Variants in ANKRD50 observed in about 807,000 individuals in gnomAD.
ANKRD50 encodes ankyrin repeat domain-containing protein 50.
A neutral mutation model predicts 112.0 loss-of-function variants in ANKRD50; 40 were observed. The observed-to-expected ratio is 0.36, with a 90% CI of 0.28 to 0.46. The LOEUF (loss-of-function observed/expected upper bound fraction) is 0.46, where lower values mean the gene tolerates loss of function less well. Among genes scored for constraint, ANKRD50 ranks in the 20% least tolerant of loss-of-function variants. The pLI is 1.00. For missense variants in ANKRD50, 1,487 were observed against 1,701.7 expected (o/e 0.87, Z 2.22); for synonymous variants, 613 against 619.1 (o/e 0.99, Z 0.15).
chr4:124,700,192 A>T (rs1403095736), intron 2 of ANKRD50, among the ~76,000 whole-genome samples: 1 of 152,200 alleles, frequency 6.6e-6, no homozygotes, highest in Non-Finnish European at 1.5e-5. Flanking sequence ...CCATACAAAA[A>T]TGTGCTGGCT....
At chr4:124,712,038 G>C (rs372573436) in intron 1 of ANKRD50, among the ~76,000 whole-genome samples, 1 of 152,144 alleles carries the variant, frequency 6.6e-6, no homozygotes, top group East Asian at 2.0e-4. Context: ...TCCCAGCGCC[G>C]GGCACCACCT....
chr4:124,700,745 C>T (rs1025849278), intron 2 of ANKRD50, among the ~76,000 whole-genome samples: 2 of 152,186 alleles, frequency 1.3e-5, no homozygotes, highest in African/African-American at 4.8e-5. Flanking sequence ...CATCTCTGCT[C>T]TTGGTGATTT....
intron 2 of ANKRD50, among the ~76,000 whole-genome samples, chr4:124,688,672 T>C (rs907686296): frequency 3.1e-4 from 47 of 152,196 alleles, no homozygotes; most frequent in African/African-American, 1.1e-3. Flanking sequence ...AGTTGTCTTC[T>C]TTCCAGTTGG....
chr4:124,678,809 A>ACCTTCAGTAATGTTACAC lies in ANKRD50; in HGVS notation c.591_608dup (p.Cys198_Gly203dup). The ACCTTCAGTAATGTTACAC allele has an allele frequency of 1.9e-6, 3 of 1,613,852 alleles. No homozygotes were observed. On this transcript the variant is annotated inframe_insertion, in exon 3 of 5. Transcript: ENST00000504087. ...CAGATAAGCTGGTAGACGTTTGTTC[A>ACCTTCAGTAATGTTACAC]CCTTCAGTAATGTTACACCCTTCAT...
In ANKRD50 at chr4:124,671,768, A is replaced by G. The variant is rs1464396961; in HGVS notation, c.1509T>C (p.Ala503=). 1 of 1,613,784 alleles carries G rather than the reference A, an allele frequency of 6.2e-7. No individual in the cohort carries two copies. The highest frequency in any genetic ancestry group is 1.3e-5 in the African/African-American group (1 of 74,898). The change falls in exon 4 of 5, where the codon GCT becomes GCC. Residue 503 remains alanine (A), a synonymous_variant. Coordinates refer to ENST00000504087, the MANE Select transcript of ANKRD50 (RefSeq NM_020337.3). ...EQEVLQLLVK[A]GAHVNSEDDR... is the part of the protein sequence containing the mutation. Reference sequence around the variant, plus strand: ...CGTCTTCACTGTTGACATGAGCCCCAGCTTTAACCAACAGCTGTAGCACTT... The same window carrying G: ...CGTCTTCACTGTTGACATGAGCCCCGGCTTTAACCAACAGCTGTAGCACTT...
intron 2 of ANKRD50, among the ~76,000 whole-genome samples, chr4:124,707,595 T>C (rs1174195037): frequency 6.6e-6 from 1 of 152,046 alleles, no homozygotes; most frequent in African/African-American, 2.4e-5. Flanking sequence ...ACTTTAACGA[T>C]GAAGAAAGAA....
intron 2 of ANKRD50, among the ~76,000 whole-genome samples, chr4:124,707,375 T>C (rs1323284572): frequency 6.6e-6 from 1 of 152,074 alleles, no homozygotes; most frequent in Admixed American, 6.5e-5. Flanking sequence ...CAATAAAATC[T>C]TGAATTATTT....
chr4:124,683,344 G>A (rs1345062836), intron 2 of ANKRD50, among the ~76,000 whole-genome samples: 2 of 151,388 alleles, frequency 1.3e-5, no homozygotes, highest in African/African-American at 2.4e-5. Context: ...TTGGGGGTAC[G>A]AAATATGTGA....
chr4:124,678,973 A>G (rs1724810621), intron 2 of ANKRD50, 68 bp from the exon 3 acceptor site: 1 of 1,115,146 alleles, frequency 9.0e-7, no homozygotes, highest in Admixed American at 2.3e-5. Context: ...TATTATTCAA[A>G]CATTAGAGTA....
intron 2 of ANKRD50, among the ~76,000 whole-genome samples, chr4:124,699,664 T>TA (rs1725344128): frequency 6.6e-6 from 1 of 151,868 alleles, no homozygotes; most frequent in South Asian, 2.1e-4. Flanking sequence ...TTCTATTTGA[T>TA]AAAAATTAAT....
Position 124,674,277 on chromosome 4 carries a change from T to C in ANKRD50, c.743-1743A>G, listed in dbSNP as rs115199242. 9.6e-3 allele frequency among the ~76,000 whole-genome samples: 1,461 copies of C among 152,026 alleles called. 12 individuals carry two copies. The highest frequency in any genetic ancestry group is 0.024 in the Middle Eastern group (7 of 294). On this transcript the variant is annotated intron_variant, in intron 3 of 4. Transcript: ENST00000504087. ...TTTATATTACACTACTTGATTTACA[T>C]GAAAGATAATACATTATGAATAAAT...
At chr4:124,687,600 G>A (rs994178722) in intron 2 of ANKRD50, among the ~76,000 whole-genome samples, 1 of 152,130 alleles carries the variant, frequency 6.6e-6, no homozygotes, top group Non-Finnish European at 1.5e-5. Context: ...TGAAGACTGG[G>A]AGAAAATATT....
chr4:124,710,523 T>A lies in ANKRD50; in HGVS notation c.-12A>T. 6.2e-7 allele frequency: 1 copy of A among 1,600,650 alleles called. No homozygotes were observed. ...CAAGGATTAGTCATAACGGGTTTTT[T>A]ATCTTCATTTGCTAGAGTCTGGATA... On this transcript the variant is annotated 5_prime_UTR_variant, in exon 2 of 5. Coordinates refer to ENST00000504087, the MANE Select transcript of ANKRD50 (RefSeq NM_020337.3).
At chr4:124,698,572 T>C (rs951245252) in intron 2 of ANKRD50, among the ~76,000 whole-genome samples, 40 of 152,124 alleles carry the variant, frequency 2.6e-4, no homozygotes, top group African/African-American at 9.6e-4. Context: ...GAGTGTGGTA[T>C]GGGGACCCTG....
At chr4:124,695,463 G>A (rs1725231489) in intron 2 of ANKRD50, among the ~76,000 whole-genome samples, 1 of 152,064 alleles carries the variant, frequency 6.6e-6, no homozygotes, top group South Asian at 2.1e-4. Flanking sequence ...GCAAACATGT[G>A]GTGTCCTGAA....
rs1385493572 is a variant in ANKRD50, at chr4:124,681,882, G to A, written c.513-2977C>T. On this transcript the variant is annotated intron_variant, in intron 2 of 4. Coordinates refer to ENST00000504087, the MANE Select transcript of ANKRD50 (RefSeq NM_020337.3). ...TCTTTAAAACATCCATTATTCAGAA[G>A]TGAGTTATATAGCTTTCAAATAATT... Among the ~76,000 whole-genome samples the A allele has an allele frequency of 3.3e-5, 5 of 152,178 alleles. No individual in the cohort carries two copies. In the East Asian group the frequency reaches 7.7e-4, roughly 24 times the overall value.
intron 3 of ANKRD50, among the ~76,000 whole-genome samples, chr4:124,676,763 A>T (rs1349386601): frequency 6.6e-6 from 1 of 151,742 alleles, no homozygotes; most frequent in Non-Finnish European, 1.5e-5. Flanking sequence ...AATTTTAAAA[A>T]GCTGAAGAAA....
intron 2 of ANKRD50, among the ~76,000 whole-genome samples, chr4:124,703,668 GT>G (rs199597600): frequency 1.0e-3 from 147 of 143,382 alleles, no homozygotes; most frequent in Middle Eastern, 3.6e-3. Flanking sequence ...AAATTTCCAG[GT>G]TTTTTTTTTT....
chr4:124,667,873 T>C (rs1730533139), intron 4 of ANKRD50, among the ~76,000 whole-genome samples: 1 of 152,004 alleles, frequency 6.6e-6, no homozygotes, highest in African/African-American at 2.4e-5. Context: ...TGGTCACCCC[T>C]AGATTCACAT....
Sources: allele counts gnomAD v4.1 joint callset (sites outside exome capture counted in the v4.1 genomes callset), GRCh38; gene constraint gnomAD v4.1.1; transcripts MANE v1.5; gene names NCBI Gene and HGNC (gene_info 2026-07-23, HGNC 2026-07-21).